The following PCDHGA2 variants were observed in gnomAD, a reference collection of about 807,000 sequenced individuals.
The protein encoded by PCDHGA2 is protocadherin gamma subfamily A, 2, also known as protocadherin gamma-A2.
Under a neutral mutation model 59.2 loss-of-function variants are expected in PCDHGA2, and 40 were observed. That is an observed-to-expected ratio of 0.68 (90% CI 0.52 to 0.88). The LOEUF is 0.88. Ranked by LOEUF, PCDHGA2 falls within the 40% of genes least tolerant of loss-of-function variation. The pLI is 0.00. For synonymous variants in PCDHGA2, 560 were observed against 526.0 expected (o/e 1.06, Z -0.89); for missense variants, 1,226 against 1,204.0 (o/e 1.02, Z -0.27).
intron 1 of PCDHGA2, among the ~76,000 whole-genome samples, chr5:141,447,650 T>G (rs555134653): frequency 1.3e-5 from 2 of 151,988 alleles, no homozygotes; most frequent in Non-Finnish European, 2.9e-5. Flanking sequence ...GGTAGAATTT[T>G]CCCCCCCAGG....
At chr5:141,483,988 G>A (rs78891657) in intron 1 of PCDHGA2, among the ~76,000 whole-genome samples, 1,520 of 149,036 alleles carry the variant, frequency 0.01, 30 homozygotes, top group African/African-American at 0.037. Flanking sequence ...TAGCTAGGTT[G>A]CTGGGAGGTC....
rs148025458 is a variant in PCDHGA2, at chr5:141,340,543, G to T, written c.1572G>T (p.Gln524His). 482 of 1,614,140 alleles carry T rather than the reference G, an allele frequency of 3.0e-4. No homozygotes were observed. Among genetic ancestry groups the T allele is most frequent in the Non-Finnish European group, 3.9e-4 (458 of 1,180,064 alleles). Residue 524 changes from glutamine (Q) to histidine (H), a missense_variant, in exon 1 of 4, where the codon CAG becomes CAT. Transcript: ENST00000394576. ...LYALRSFDYE[Q>H]LRDLQVWVIA... ...CACTGCGCTCCTTTGATTATGAGCA[G>T]TTGCGAGACTTGCAAGTGTGGGTGA...
intron 1 of PCDHGA2, chr5:141,395,176 A>G (rs750497200): frequency 1.1e-5 from 18 of 1,614,206 alleles, no homozygotes; most frequent in East Asian, 8.9e-5. Flanking sequence ...TGTGAGAAAA[A>G]TGATTCTTTG....
chr5:141,432,173 G>C lies in PCDHGA2; in HGVS notation c.2425-62634G>C, dbSNP rs771177256. On this transcript the variant is annotated intron_variant, in intron 1 of 3. Transcript: ENST00000394576. This position sits in a 1 kb window ranked among gnomAD's most constrained non-coding sequence, Gnocchi z 6.0. ...GAACAATCCCAGAGGAGTTTCCCTC[G>C]TCTCTGTGACCGCCCACGACCCCGA... The C allele has an allele frequency of 3.1e-6, 5 of 1,614,054 alleles. No homozygotes were observed. Among genetic ancestry groups the C allele is most frequent in the South Asian group, 1.1e-5 (1 of 91,054 alleles).
chr5:141,418,883 G>A (rs376245268), intron 1 of PCDHGA2: 5 of 1,613,960 alleles, frequency 3.1e-6, no homozygotes, highest in East Asian at 2.2e-5. Flanking sequence ...AGACGAAAAC[G>A]ACAACAGCCC....
intron 1 of PCDHGA2, chr5:141,409,257 T>C: frequency 6.2e-7 from 1 of 1,614,022 alleles, no homozygotes; most frequent in Non-Finnish European, 8.5e-7. Flanking sequence ...ATCACTTCTC[T>C]CTCTGATCAG....
intron 3 of PCDHGA2, among the ~76,000 whole-genome samples, chr5:141,507,861 C>T (rs538942097): frequency 7.0e-4 from 106 of 152,306 alleles, no homozygotes; most frequent in African/African-American, 2.5e-3. Flanking sequence ...CTTTCACACC[C>T]GCTTCCTAGC....
At chr5:141,375,630 C>A (rs1162494057) in intron 1 of PCDHGA2, 1 of 1,614,246 alleles carries the variant, frequency 6.2e-7, no homozygotes, top group African/African-American at 1.3e-5. Flanking sequence ...ATTCTGTACG[C>A]CCTGCGCTCC....
chr5:141,403,243 T>C (rs1363955978), intron 1 of PCDHGA2: 2 of 1,613,894 alleles, frequency 1.2e-6, no homozygotes, highest in East Asian at 4.5e-5. Context: ...AGCTCTGTGC[T>C]CAGAGCCCGC....
intron 1 of PCDHGA2, chr5:141,361,002 A>T (rs1235404407): frequency 6.2e-7 from 1 of 1,613,380 alleles, no homozygotes; most frequent in African/African-American, 1.3e-5. Context: ...AACAAGTGAA[A>T]CACTTTTTCA....
Position 141,389,889 on chromosome 5 carries a change from G to A in PCDHGA2, c.2424+48494G>A. ...GGTCTTCGCCGACAGCTTGCAGGAG[G>A]TGCTGCCGGATATCACTGACCGCCC... On this transcript the variant is annotated intron_variant, in intron 1 of 3. Transcript: ENST00000394576. 1.9e-6 allele frequency: 3 copies of A among 1,614,086 alleles called. No homozygotes were observed. Among genetic ancestry groups the A allele is most frequent in the Admixed American group, 1.7e-5 (1 of 60,034 alleles).
intron 1 of PCDHGA2, chr5:141,364,789 G>T (rs1358031910): frequency 1.9e-6 from 3 of 1,614,036 alleles, no homozygotes; most frequent in East Asian, 4.5e-5. Flanking sequence ...CACGGTTAGT[G>T]CTTCCCTTCG....
At position 141,371,163 on chromosome 5, in the gene PCDHGA2, G is replaced by C. The variant is rs79773129; in HGVS notation, c.2424+29768G>C. 1.0e-4 allele frequency: 165 copies of C among 1,613,984 alleles called. No individual in the cohort carries two copies. In the African/African-American group the frequency reaches 2.0e-3, roughly 19 times the overall value. ...GGTCAATGTTGCAGAGAACCTGCCC[G>C]CTGGCTCCTCCGTATTAAAAGTGAT... On this transcript the variant is annotated intron_variant, in intron 1 of 3. Coordinates refer to ENST00000394576, the MANE Select transcript of PCDHGA2 (RefSeq NM_018915.4).
intron 1 of PCDHGA2, chr5:141,418,015 G>C: frequency 6.2e-7 from 1 of 1,613,964 alleles, no homozygotes; most frequent in Non-Finnish European, 8.5e-7. Context: ...ACCTCGCTAA[G>C]GATCTAGGGC....
intron 1 of PCDHGA2, chr5:141,385,154 C>G (rs761681846): frequency 6.2e-7 from 1 of 1,614,208 alleles, no homozygotes; most frequent in Non-Finnish European, 8.5e-7. Flanking sequence ...TTCCTGCAGA[C>G]CTATTCCCAT....
At chr5:141,350,972 G>T (rs956940005) in intron 1 of PCDHGA2, 1 of 1,614,038 alleles carries the variant, frequency 6.2e-7, no homozygotes, top group Non-Finnish European at 8.5e-7. Flanking sequence ...TAATGCTCCC[G>T]TGTTTAGCCA....
At chr5:141,475,895 C>A (rs2099379056) in intron 1 of PCDHGA2, 1 of 568,558 alleles carries the variant, frequency 1.8e-6, no homozygotes, top group African/African-American at 1.9e-5. Context: ...ACTCTGTGTG[C>A]CGCTGTCGGC....
rs1004061582 is a variant in PCDHGA2, at chr5:141,477,406, A to C, written c.2425-17401A>C. ...AATACAACCTCAGCATCACCGCCCG[A>C]GACGCCGGAACCCCTTCCCTCTCAG... On this transcript the variant is annotated intron_variant, in intron 1 of 3. Transcript: ENST00000394576. The surrounding 1 kb of genome is among the most constrained non-coding windows in gnomAD (Gnocchi z 4.9). 6.2e-7 allele frequency: 1 copy of C among 1,614,036 alleles called. No homozygotes were observed. Among genetic ancestry groups the C allele is most frequent in the Admixed American group, 1.7e-5 (1 of 59,994 alleles).
intron 1 of PCDHGA2, among the ~76,000 whole-genome samples, chr5:141,448,573 AT>A (rs976781630): frequency 1.3e-5 from 2 of 151,652 alleles, no homozygotes; most frequent in East Asian, 1.9e-4. Flanking sequence ...TTATTTCCCC[AT>A]TTTTTTTACA....
Sources: allele counts gnomAD v4.1 joint callset (sites outside exome capture counted in the v4.1 genomes callset), GRCh38; gene constraint gnomAD v4.1.1; non-coding constraint Gnocchi (gnomAD v3.1); transcripts MANE v1.5; gene names NCBI Gene and HGNC (gene_info 2026-07-23, HGNC 2026-07-21).